The following ZNF536 variants were observed in gnomAD, a reference collection of about 807,000 sequenced individuals.
ZNF536 encodes the protein zinc finger protein 536.
In ZNF536, 13 loss-of-function variants were observed where a neutral mutation model predicts 84.5. The ratio of observed to expected loss-of-function variants is 0.15; its 90% CI spans 0.10 to 0.24. The LOEUF (loss-of-function observed/expected upper bound fraction) is 0.24, where lower values mean the gene tolerates loss of function less well. ZNF536 is among the 10% of genes least tolerant of loss of function. The pLI is 1.00. For missense variants in ZNF536, 1,536 were observed against 1,747.5 expected, an observed-to-expected ratio of 0.88 and a Z score of 2.16; for synonymous variants, 811 against 742.5, an observed-to-expected ratio of 1.09 and a Z score of -1.50.
chr19:30,673,810 C>A (rs1166857576), intron 1 of ZNF536, among the ~76,000 whole-genome samples: 3 of 152,242 alleles, frequency 2.0e-5, no homozygotes, highest in African/African-American at 7.2e-5. Context: ...GACCGACACA[C>A]AGCCTTTTTC....
intron 2 of ZNF536, among the ~76,000 whole-genome samples, chr19:30,490,375 C>T (rs2054460808): frequency 6.6e-6 from 1 of 152,052 alleles, no homozygotes; most frequent in African/African-American, 2.4e-5. Context: ...TATATAGACC[C>T]TTTCATCTCC....
intron 1 of ZNF536, among the ~76,000 whole-genome samples, chr19:30,567,455 T>C (rs1283008766): frequency 6.6e-6 from 1 of 152,214 alleles, no homozygotes; most frequent in African/African-American, 2.4e-5. Context: ...AGTCCTTCCA[T>C]GTCACAGTCT....
chr19:30,672,934 C>A (rs2050611633), intron 1 of ZNF536, among the ~76,000 whole-genome samples: 1 of 152,210 alleles, frequency 6.6e-6, no homozygotes, highest in East Asian at 1.9e-4. Context: ...TATAAGCCAG[C>A]CCCTATCCTG....
intron 3 of ZNF536, among the ~76,000 whole-genome samples, chr19:30,544,352 A>T (rs954966076): frequency 6.6e-6 from 1 of 152,210 alleles, no homozygotes; most frequent in African/African-American, 2.4e-5. Context: ...TTGAAAGCTC[A>T]TGAAGCAGCC....
intron 1 of ZNF536, among the ~76,000 whole-genome samples, chr19:30,243,415 G>A (rs1304989748): frequency 6.6e-6 from 1 of 152,270 alleles, no homozygotes; most frequent in African/African-American, 2.4e-5. Flanking sequence ...TGAACCAACA[G>A]TTCTTTTTCC....
At chr19:30,314,509 T>C (rs1389524402) in intron 2 of ZNF536, among the ~76,000 whole-genome samples, 1 of 152,048 alleles carries the variant, frequency 6.6e-6, no homozygotes, top group East Asian at 1.9e-4. Flanking sequence ...GCTGCCCTCA[T>C]AGAGAAAAGA....
At chr19:30,694,737 T>C (rs2051580755) in intron 1 of ZNF536, among the ~76,000 whole-genome samples, 2 of 152,116 alleles carry the variant, frequency 1.3e-5, no homozygotes, top group South Asian at 4.1e-4. Flanking sequence ...TTGTAACCAC[T>C]AGGAGGGTGA....
chr19:30,385,303 G>A (rs1457522354), intron 1 of ZNF536, among the ~76,000 whole-genome samples: 1 of 152,168 alleles, frequency 6.6e-6, no homozygotes, highest in Non-Finnish European at 1.5e-5. Flanking sequence ...ACCCGATGGG[G>A]GTCAGTGTGG....
chr19:30,603,777 A>T (rs2047774151), intron 1 of ZNF536, among the ~76,000 whole-genome samples: 1 of 152,212 alleles, frequency 6.6e-6, no homozygotes, highest in Non-Finnish European at 1.5e-5. Flanking sequence ...TCTAGAAATT[A>T]ATACTAAGCA....
At chr19:30,361,155 T>G (rs1262835721) in intron 3 of ZNF536, among the ~76,000 whole-genome samples, 1 of 152,204 alleles carries the variant, frequency 6.6e-6, no homozygotes, top group Non-Finnish European at 1.5e-5. Context: ...TGTGTTTTAC[T>G]GAGAAGATGA....
intron 2 of ZNF536, among the ~76,000 whole-genome samples, chr19:30,338,744 GGCTGGCATATGGTAAGCATGATTAACAT>G (rs2047468802): frequency 1.3e-5 from 2 of 152,124 alleles, no homozygotes; most frequent in Admixed American, 6.6e-5. Flanking sequence ...ACCAAGGAGG[GGCTGGCATATGGTAAGCATGATTAACAT>G]GCTAACTAGT....
chr19:30,269,776 A>G (rs1463917133), intron 1 of ZNF536, among the ~76,000 whole-genome samples: 8 of 152,136 alleles, frequency 5.3e-5, no homozygotes, highest in Non-Finnish European at 8.8e-5. Flanking sequence ...GCTTGTACGA[A>G]CGAAGATGCC....
At chr19:30,426,747 G>A (rs1485041798) in intron 1 of ZNF536, among the ~76,000 whole-genome samples, 1 of 152,176 alleles carries the variant, frequency 6.6e-6, no homozygotes, top group Non-Finnish European at 1.5e-5. Flanking sequence ...TGTAATCAAT[G>A]AGTCTGATTT....
chr19:30,395,661 G>A (rs1435856374), intron 1 of ZNF536, among the ~76,000 whole-genome samples: 4 of 152,180 alleles, frequency 2.6e-5, no homozygotes, highest in Non-Finnish European at 4.4e-5. Flanking sequence ...CTTAATAGCT[G>A]TGTACCTCTT....
At chr19:30,402,542 C>G (rs1387302957) in intron 1 of ZNF536, among the ~76,000 whole-genome samples, 1 of 151,860 alleles carries the variant, frequency 6.6e-6, no homozygotes, top group Non-Finnish European at 1.5e-5. Context: ...GTGCTGGAGA[C>G]TCTGATCATT....
chr19:30,461,080 A>T (rs780763485), intron 2 of ZNF536, among the ~76,000 whole-genome samples: 1 of 152,164 alleles, frequency 6.6e-6, no homozygotes, highest in Non-Finnish European at 1.5e-5. Flanking sequence ...GGCCTCTGGC[A>T]TGGGCTCCCA....
intron 1 of ZNF536, among the ~76,000 whole-genome samples, chr19:30,423,423 GAC>G (rs2051067771): frequency 6.6e-6 from 1 of 152,224 alleles, no homozygotes. Context: ...AATAGAAGGA[GAC>G]ATTGTCACTG....
At chr19:30,555,772 T>C (rs1450766666) in intron 4 of ZNF536, 1 of 152,238 alleles carries the variant, frequency 6.6e-6, no homozygotes, top group Non-Finnish European at 1.5e-5. Flanking sequence ...TTTTTCATCT[T>C]GTGCAAGAGT....
At chr19:30,253,182 T>C (rs2024713203) in intron 1 of ZNF536, among the ~76,000 whole-genome samples, 1 of 152,206 alleles carries the variant, frequency 6.6e-6, no homozygotes, top group Non-Finnish European at 1.5e-5. Context: ...GGATCCTAGC[T>C]GGTGTTTCCA....
Sources: allele counts gnomAD v4.1 joint callset (sites outside exome capture counted in the v4.1 genomes callset), GRCh38; gene constraint gnomAD v4.1.1; transcripts MANE v1.5; gene names NCBI Gene and HGNC (gene_info 2026-07-23, HGNC 2026-07-21).